The following OR7C1 variants were observed in gnomAD, a reference collection of about 807,000 sequenced individuals.
OR7C1 encodes olfactory receptor 7C1.
For missense variants in OR7C1, 324 were observed against 383.3 expected, an observed-to-expected ratio of 0.85 and a Z score of 1.29; for synonymous variants, 152 against 160.7, an observed-to-expected ratio of 0.95 and a Z score of 0.41.
intron 1 of OR7C1, among the ~76,000 whole-genome samples, chr19:14,816,242 G>A (rs2044715908): frequency 6.6e-6 from 1 of 152,296 alleles, no homozygotes; most frequent in Non-Finnish European, 1.5e-5. Context: ...GATAAGGTGT[G>A]TGATGGTTAA....
At chr19:14,805,564 T>C (rs2147647441) in intron 2 of OR7C1, among the ~76,000 whole-genome samples, 1 of 151,726 alleles carries the variant, frequency 6.6e-6, no homozygotes, top group Middle Eastern at 3.4e-3. Flanking sequence ...AAAAGGCATG[T>C]GCCACCACAG....
intron 1 of OR7C1, among the ~76,000 whole-genome samples, chr19:14,817,367 G>T (rs2044720865): frequency 6.6e-6 from 1 of 152,148 alleles, no homozygotes; most frequent in Non-Finnish European, 1.5e-5. Context: ...CCAATTAATG[G>T]ATCTACTTTA....
Position 14,799,751 on chromosome 19 carries a change from G to A in OR7C1, c.386C>T (p.Pro129Leu), listed in dbSNP as rs113167522. 34 of 1,613,958 alleles carry A rather than the reference G, an allele frequency of 2.1e-5. No individual in the cohort carries two copies. In the African/African-American group the frequency reaches 2.3e-4, roughly 11 times the overall value. Residue 129 changes from proline (P) to leucine (L), a missense_variant, in exon 5 of 5, where the codon CCC becomes CTC. Transcript: ENST00000641666. ...GTTCATGATGACCGTATAGTGCAGG[G>A]GGTGACAGACGGCCACGAAGCGGTC...
chr19:14,827,286 G>A, intron 1 of OR7C1: 1 of 1,546,840 alleles, frequency 6.5e-7, no homozygotes, highest in Non-Finnish European at 8.7e-7. Context: ...CTGCAATCAT[G>A]GGCACTTCTT....
chr19:14,818,062 T>TTTATTTTATTTA (rs1555695177), intron 1 of OR7C1, among the ~76,000 whole-genome samples: 3 of 139,464 alleles, frequency 2.2e-5, no homozygotes, highest in African/African-American at 5.3e-5. Flanking sequence ...ATTTTATTTA[T>TTTATTTTATTTA]TTTATTTATT....
chr19:14,816,302 G>A lies in OR7C1; in HGVS notation c.-622-6309C>T, dbSNP rs1265380586. On this transcript the variant is annotated intron_variant, in intron 1 of 4. Transcript: ENST00000641666. The stretch of plus-strand genomic sequence containing the variant: ...TGAAGGATGCAAAGTATTGATCCTG[G>A]GTGTGTCTGTGAGGGTGTTGCCAAA... Among the ~76,000 whole-genome samples, 4 of 152,112 alleles carry A rather than the reference G, an allele frequency of 2.6e-5. No homozygotes were observed. In the East Asian group the frequency reaches 5.8e-4, roughly 22 times the overall value.
At position 14,818,281 on chromosome 19, in the gene OR7C1, A is replaced by C. The variant is rs557263334; in HGVS notation, c.-622-8288T>G. Among the ~76,000 whole-genome samples, 158 of 151,928 alleles carry C rather than the reference A, an allele frequency of 1.0e-3. 1 individual carries two copies. Among genetic ancestry groups the C allele is most frequent in the African/African-American group, 3.6e-3 (151 of 41,462 alleles). Reference sequence around the variant, plus strand: ...CTAATTTTTTTGAATTTTTTAGTAGAGATGGGGTTTCACCGTGTAACCCAG... The same window carrying C: ...CTAATTTTTTTGAATTTTTTAGTAGCGATGGGGTTTCACCGTGTAACCCAG... On this transcript the variant is annotated intron_variant, in intron 1 of 4. Coordinates refer to ENST00000641666, the Ensembl canonical transcript of OR7C1.
intron 1 of OR7C1, among the ~76,000 whole-genome samples, chr19:14,833,473 C>T (rs148374656): frequency 0.015 from 2,315 of 151,892 alleles, 29 homozygotes; most frequent in Non-Finnish European, 0.024. Context: ...GGCGAGACTC[C>T]GTCTCAAAAA....
intron 1 of OR7C1, among the ~76,000 whole-genome samples, chr19:14,828,985 C>T (rs1000751571): frequency 6.6e-6 from 1 of 151,850 alleles, no homozygotes; most frequent in South Asian, 2.1e-4. Context: ...TGGGAACAGG[C>T]GCTTGGAAAA....
chr19:14,801,312 G>A (rs2044640883), intron 2 of OR7C1, among the ~76,000 whole-genome samples: 1 of 152,036 alleles, frequency 6.6e-6, no homozygotes, highest in South Asian at 2.1e-4. Flanking sequence ...TGTTTATAAA[G>A]CCAATGTTTC....
intron 1 of OR7C1, among the ~76,000 whole-genome samples, chr19:14,817,559 C>T (rs1337982088): frequency 1.3e-5 from 2 of 152,170 alleles, no homozygotes; most frequent in Non-Finnish European, 2.9e-5. Flanking sequence ...CAGGTGAGCC[C>T]AGGAGCCCTC....
chr19:14,815,103 C>T (rs905934101), intron 1 of OR7C1, among the ~76,000 whole-genome samples: 8 of 152,170 alleles, frequency 5.3e-5, no homozygotes, highest in Admixed American at 1.3e-4. Flanking sequence ...TTTGCAGCTC[C>T]ACCAGATACT....
At chr19:14,813,950 C>T (rs1328426472) in intron 1 of OR7C1, among the ~76,000 whole-genome samples, 1 of 151,992 alleles carries the variant, frequency 6.6e-6, no homozygotes, top group Non-Finnish European at 1.5e-5. Flanking sequence ...TTAATAAATG[C>T]CATTGGGAAA....
chr19:14,825,262 C>T (rs2044759873), intron 1 of OR7C1: 1 of 151,968 alleles, frequency 6.6e-6, no homozygotes. Flanking sequence ...ATAGAGAGTA[C>T]AATTCTGGTT....
chr19:14,804,552 A>G (rs1322079332), intron 2 of OR7C1, among the ~76,000 whole-genome samples: 1 of 150,316 alleles, frequency 6.7e-6, no homozygotes, highest in African/African-American at 2.5e-5. Flanking sequence ...GGAAAGAATA[A>G]TTAATTAGTA....
At chr19:14,832,436 T>C (rs2044842544) in intron 1 of OR7C1, among the ~76,000 whole-genome samples, 1 of 145,076 alleles carries the variant, frequency 6.9e-6, no homozygotes, top group South Asian at 2.2e-4. Flanking sequence ...TTTCTTTTCT[T>C]TTTTTTTTTT....
intron 1 of OR7C1, among the ~76,000 whole-genome samples, chr19:14,821,181 T>C (rs563052118): frequency 6.6e-6 from 1 of 152,280 alleles, no homozygotes; most frequent in South Asian, 2.1e-4. Flanking sequence ...GAGGTTGCTG[T>C]GAGCTGAGAT....
chr19:14,832,512 C>T (rs1318808394), intron 1 of OR7C1, among the ~76,000 whole-genome samples: 1 of 151,274 alleles, frequency 6.6e-6, no homozygotes, highest in South Asian at 2.1e-4. Context: ...TGGCAACCTC[C>T]GCCTCCTGGG....
chr19:14,822,369 C>T (rs182598668), intron 1 of OR7C1, among the ~76,000 whole-genome samples: 11 of 125,464 alleles, frequency 8.8e-5, no homozygotes, highest in East Asian at 4.5e-4. Flanking sequence ...CACTTATCTC[C>T]TGTCTTTTTT....
Sources: allele counts gnomAD v4.1 joint callset (sites outside exome capture counted in the v4.1 genomes callset), GRCh38; gene constraint gnomAD v4.1.1; transcripts MANE v1.5; gene names NCBI Gene and HGNC (gene_info 2026-07-23, HGNC 2026-07-21).